Variants in LRRC8D observed in about 807,000 individuals in gnomAD.
LRRC8D encodes leucine rich repeat containing 8 VRAC subunit D.
In LRRC8D, 20 loss-of-function variants were observed where a neutral mutation model predicts 55.8. The observed-to-expected ratio is 0.36, with a 90% CI of 0.25 to 0.52. The LOEUF is 0.52. Ranked by LOEUF, LRRC8D falls within the 20% of genes least tolerant of loss-of-function variation. LRRC8D has a pLI of 0.93. For missense variants in LRRC8D, 651 were observed against 1,030.8 expected (o/e 0.63, Z 5.05); for synonymous variants, 352 against 377.0 (o/e 0.93, Z 0.77).
At chr1:89,930,816 G>A (rs1663687186) in intron 2 of LRRC8D, among the ~76,000 whole-genome samples, 1 of 151,130 alleles carries the variant, frequency 6.6e-6, no homozygotes, top group South Asian at 2.1e-4. Flanking sequence ...AGGTTGAGCT[G>A]TTTCTCATTT....
At chr1:89,831,263 CT>C (rs1660878982) in intron 1 of LRRC8D, among the ~76,000 whole-genome samples, 1 of 152,160 alleles carries the variant, frequency 6.6e-6, no homozygotes, top group Admixed American at 6.5e-5. Flanking sequence ...TGATTTCATC[CT>C]TTTCTTTCCC....
chr1:89,925,415 G>T (rs1031929997), intron 2 of LRRC8D, among the ~76,000 whole-genome samples: 3 of 152,130 alleles, frequency 2.0e-5, no homozygotes, highest in Non-Finnish European at 2.9e-5. Flanking sequence ...TGATGCACTT[G>T]AGTTAGCCCG....
chr1:89,877,909 A>G (rs1662186255), intron 2 of LRRC8D, among the ~76,000 whole-genome samples: 1 of 152,216 alleles, frequency 6.6e-6, no homozygotes, highest in Non-Finnish European at 1.5e-5. Flanking sequence ...TTTTATCTTG[A>G]GACGTGTCAG....
At chr1:89,857,064 T>A (rs751550024) in intron 2 of LRRC8D, among the ~76,000 whole-genome samples, 1 of 152,088 alleles carries the variant, frequency 6.6e-6, no homozygotes, top group African/African-American at 2.4e-5. Flanking sequence ...GAAAAAAATT[T>A]GAAGGCTTTT....
At chr1:89,907,037 AT>A (rs531632710) in intron 2 of LRRC8D, among the ~76,000 whole-genome samples, 44 of 152,180 alleles carry the variant, frequency 2.9e-4, no homozygotes, top group African/African-American at 9.2e-4. Flanking sequence ...AAACAGAAGA[AT>A]GGGTAACTCA....
chr1:89,926,588 T>C (rs1420158802), intron 2 of LRRC8D, among the ~76,000 whole-genome samples: 2 of 152,232 alleles, frequency 1.3e-5, no homozygotes, highest in Non-Finnish European at 2.9e-5. Flanking sequence ...CATTGGATGA[T>C]GCGTGGTAGA....
intron 1 of LRRC8D, among the ~76,000 whole-genome samples, chr1:89,832,213 C>T (rs938847102): frequency 6.6e-6 from 1 of 152,214 alleles, no homozygotes; most frequent in African/African-American, 2.4e-5. Flanking sequence ...ATTTGTTGTA[C>T]ATACACCCTC....
chr1:89,846,870 G>A (rs539800948), intron 2 of LRRC8D, among the ~76,000 whole-genome samples: 2 of 151,960 alleles, frequency 1.3e-5, no homozygotes, highest in Middle Eastern at 6.8e-3. Flanking sequence ...TAATTTTTTA[G>A]AATTAAAAAA....
intron 1 of LRRC8D, among the ~76,000 whole-genome samples, chr1:89,826,125 A>G (rs1161938366): frequency 6.6e-5 from 10 of 152,162 alleles, no homozygotes; most frequent in Non-Finnish European, 1.2e-4. Context: ...TTGAGGGGAA[A>G]AGTGTTGCTG....
chr1:89,910,313 A>C (rs1344824383), intron 2 of LRRC8D, among the ~76,000 whole-genome samples: 1 of 152,214 alleles, frequency 6.6e-6, no homozygotes, highest in East Asian at 1.9e-4. Context: ...CTATAAAATA[A>C]AGTTGATATT....
intron 2 of LRRC8D, among the ~76,000 whole-genome samples, chr1:89,905,377 A>G (rs1662963393): frequency 6.6e-6 from 1 of 152,240 alleles, no homozygotes; most frequent in African/African-American, 2.4e-5. Flanking sequence ...ATATGGTCAA[A>G]TACTCATTCA....
intron 2 of LRRC8D, among the ~76,000 whole-genome samples, chr1:89,892,787 T>C (rs1018357408): frequency 2.6e-5 from 4 of 152,248 alleles, no homozygotes; most frequent in Non-Finnish European, 4.4e-5. Flanking sequence ...TCCAAAGTGC[T>C]GGGATTACAG....
chr1:89,859,688 A>G (rs1189111149), intron 2 of LRRC8D, among the ~76,000 whole-genome samples: 2 of 152,100 alleles, frequency 1.3e-5, no homozygotes, highest in Admixed American at 6.5e-5. Context: ...GATAGGCCCT[A>G]TTTTCTACTT....
intron 2 of LRRC8D, among the ~76,000 whole-genome samples, chr1:89,918,474 A>G (rs924864126): frequency 6.6e-6 from 1 of 152,232 alleles, no homozygotes; most frequent in African/African-American, 2.4e-5. Flanking sequence ...AAGGAAAAGG[A>G]GGCCTGAGGT....
intron 1 of LRRC8D, among the ~76,000 whole-genome samples, chr1:89,838,505 G>T (rs750407279): frequency 2.6e-5 from 4 of 152,206 alleles, no homozygotes; most frequent in Non-Finnish European, 5.9e-5. Flanking sequence ...TTATAGGACA[G>T]TATTTCATCT....
At chr1:89,843,078 A>T (rs1661175532) in intron 1 of LRRC8D, 1 of 152,170 alleles carries the variant, frequency 6.6e-6, no homozygotes, top group Non-Finnish European at 1.5e-5. Flanking sequence ...CAAGACAAGT[A>T]ATTTCCCATC....
chr1:89,844,083 TC>T (rs1332485966), intron 2 of LRRC8D, among the ~76,000 whole-genome samples: 1 of 151,884 alleles, frequency 6.6e-6, no homozygotes, highest in Non-Finnish European at 1.5e-5. Flanking sequence ...CTTCCTGGAG[TC>T]CCCAGCTGCC....
At chr1:89,868,680 C>T (rs1249143264) in intron 2 of LRRC8D, among the ~76,000 whole-genome samples, 27 of 152,116 alleles carry the variant, frequency 1.8e-4, no homozygotes, top group Non-Finnish European at 1.5e-5. Context: ...ACTCTTATTC[C>T]TGTATTACAG....
chr1:89,892,183 T>C (rs780397420), intron 2 of LRRC8D, among the ~76,000 whole-genome samples: 1 of 152,234 alleles, frequency 6.6e-6, no homozygotes, highest in Non-Finnish European at 1.5e-5. Context: ...TATTTCACAG[T>C]GCTGCTGCTG....
Sources: gnomAD v4.1 joint callset for allele counts (sites outside exome capture counted in the v4.1 genomes callset) on GRCh38, gnomAD v4.1.1 for gene constraint, MANE v1.5 for transcripts, NCBI Gene and HGNC (gene_info 2026-07-23, HGNC 2026-07-21) for gene names.